Variants in MYO15A observed in about 807,000 individuals in gnomAD.
MYO15A encodes myosin XVA.
MYO15A carries 308 observed loss-of-function variants against 394.6 expected under a neutral mutation model. The observed-to-expected ratio is 0.78, with a 90% confidence interval of 0.71 to 0.86. The LOEUF is 0.86. MYO15A is among the 40% of genes least tolerant of loss of function. The pLI is 0.00. For missense variants in MYO15A, 4,606 were observed against 4,799.1 expected (o/e 0.96, Z 1.19); for synonymous variants, 1,957 against 2,003.8 (o/e 0.98, Z 0.62).
At position 18,161,519 on chromosome 17, in the gene MYO15A, A is replaced by G. The variant is rs1260386504; in HGVS notation, c.9517+72A>G. Reference sequence around the variant, plus strand: ...GGGGACTGGGTGGACAGCTGGTGGGAGGGGAAACCCAGAGGGCCTCGCTCT... The same window carrying G: ...GGGGACTGGGTGGACAGCTGGTGGGGGGGGAAACCCAGAGGGCCTCGCTCT... On this transcript the variant is annotated intron_variant, in intron 57 of 65. Coordinates refer to ENST00000647165, the MANE Select transcript of MYO15A (RefSeq NM_016239.4). 7.5e-6 allele frequency: 12 copies of G among 1,599,656 alleles called. No individual in the cohort carries two copies. The Admixed American group carries it at 1.2e-4, about 16-fold the overall frequency.
In MYO15A at chr17:18,136,704, G is replaced by C; in HGVS notation, c.4779+18G>C. On this transcript the variant is annotated intron_variant, in intron 15 of 65. Transcript: ENST00000647165. ...GTTTCGAGGTGGGGCCGTGTAGGAGGCTGAGGGGCGGGGGACATAGGCAAG... is the reference window on the plus strand; with the variant it reads ...GTTTCGAGGTGGGGCCGTGTAGGAGCCTGAGGGGCGGGGGACATAGGCAAG... 1 of 1,582,240 alleles carries C rather than the reference G, an allele frequency of 6.3e-7. No individual in the cohort carries two copies.
At position 18,148,539 on chromosome 17, in the gene MYO15A, A is replaced by T; in HGVS notation, c.6735A>T (p.Glu2245Asp). The change falls in exon 32 of 66, where the codon GAA becomes GAT. Residue 2245 changes from glutamate to aspartate, a missense_variant. Around this residue, in one of 2 missense-constraint regions of MYO15A, gnomAD observed 2,776 missense variants for 3,109.3 expected, o/e 0.89. Transcript: ENST00000647165. This position sits in a 1 kb window ranked among gnomAD's most constrained non-coding sequence, Gnocchi z 4.8. ...SCPVHSWSTGEEVAGDILRHR... is the reference protein window; with the variant it reads ...SCPVHSWSTGDEVAGDILRHR... ...CGGTGCACTCCTGGAGTACGGGGGA[A>T]GAGGTGGCTGGAGACATTCTGAGGC... 1.3e-6 allele frequency: 2 copies of T among 1,552,726 alleles called. No individual in the cohort carries two copies. Among genetic ancestry groups the T allele is most frequent in the Non-Finnish European group, 1.7e-6 (2 of 1,147,502 alleles).
In MYO15A at chr17:18,126,274, C is replaced by T. The variant is rs552234136; in HGVS notation, c.3757-73C>T. 4.7e-6 allele frequency: 6 copies of T among 1,283,722 alleles called. No homozygotes were observed. In the African/African-American group the frequency reaches 5.9e-5, roughly 13 times the overall value. 79.5% of individuals were successfully genotyped at this position (1,283,722 alleles called of 1,614,324 possible). A position where few individuals can be genotyped will look rare whatever the true frequency, so the allele number is the denominator to read the frequency against. The stretch of plus-strand genomic sequence containing the variant: ...CCGGATGGAAACAGGGAGCCAGGCT[C>T]CCAGCATAGGGGAGGGAGGGACATA... On this transcript the variant is annotated intron_variant, in intron 4 of 65. Transcript: ENST00000647165.
intron 47 of MYO15A, among the ~76,000 whole-genome samples, chr17:18,155,676 C>A (rs1426165752): frequency 1.3e-5 from 2 of 152,234 alleles, no homozygotes; most frequent in African/African-American, 2.4e-5. Flanking sequence ...TCCCCCCAAC[C>A]TGCACAGCAG....
At position 18,120,233 on chromosome 17, in the gene MYO15A, G is replaced by C; in HGVS notation, c.1433G>C (p.Arg478Pro). ...AAGCTGTCCCTCATCCGCAAGTTCC[G>C]CCTCTTCCCGCGACCCCAGGTGAAG... ...RSKLSLIRKF[R>P]LFPRPQVKLF... Residue 478 changes from arginine (R) to proline (P), a missense_variant, in exon 2 of 66, where the codon CGC becomes CCC. Physicochemically the swap from Arg to Pro is moderately radical, Grantham distance 103. Around this residue, in one of 2 missense-constraint regions of MYO15A, gnomAD observed 1,830 missense variants for 1,689.7 expected, o/e 1.08. Transcript: ENST00000647165. The C allele has an allele frequency of 1.2e-6, 2 of 1,612,384 alleles. No homozygotes were observed. The highest frequency in any genetic ancestry group is 1.7e-6 in the Non-Finnish European group (2 of 1,179,762).
At chr17:18,128,839 A>G (rs1258516728) in intron 7 of MYO15A, among the ~76,000 whole-genome samples, 1 of 152,098 alleles carries the variant, frequency 6.6e-6, no homozygotes, top group East Asian at 1.9e-4. Context: ...GAGAGCTGTC[A>G]GGGAGGACGG....
chr17:18,130,868 G>GTGTGTGTGTA (rs1403173028), intron 8 of MYO15A, 58 bp downstream of exon 8: 1 of 1,445,550 alleles, frequency 6.9e-7, no homozygotes, highest in Non-Finnish European at 9.5e-7. Flanking sequence ...GTGTGTGTGT[G>GTGTGTGTGTA]TGTCTGTCCA....
intron 65 of MYO15A, 129 bp downstream of exon 65, chr17:18,174,050 G>C: frequency 7.6e-7 from 1 of 1,308,818 alleles, no homozygotes; most frequent in Non-Finnish European, 1.0e-6. Context: ...ACCAACCACA[G>C]CACAGCACGG....
intron 35 of MYO15A, chr17:18,149,969 A>AG: frequency 3.2e-6 from 1 of 311,754 alleles, no homozygotes; most frequent in Admixed American, 4.6e-5. Flanking sequence ...AAAAAAAAAA[A>AG]AAGAAAGGGA....
In MYO15A at chr17:18,130,827, T is replaced by TC; in HGVS notation, c.4038+17_4038+18insC. The TC allele has an allele frequency of 7.7e-7, 1 of 1,301,364 alleles. No individual in the cohort carries two copies. Among genetic ancestry groups the TC allele is most frequent in the South Asian group, 1.3e-5 (1 of 77,318 alleles). 80.6% of individuals were successfully genotyped at this position (1,301,364 alleles called of 1,614,324 possible). A position where few individuals can be genotyped will look rare whatever the true frequency, so the allele number is the denominator to read the frequency against. On this transcript the variant is annotated intron_variant, in intron 8 of 65. Coordinates refer to ENST00000647165, the MANE Select transcript of MYO15A (RefSeq NM_016239.4). ...AAGATAAAGGTACTCAGTGTGTGTG[T>TC]GTGTGTGTGTGTGTGTGTGTGTGTG...
intron 60 of MYO15A, among the ~76,000 whole-genome samples, chr17:18,166,023 G>A (rs985434224): frequency 1.3e-5 from 2 of 152,198 alleles, no homozygotes; most frequent in African/African-American, 4.8e-5. Flanking sequence ...CCTTCTCTGA[G>A]AATAATGCAG....
Position 18,130,850 on chromosome 17 carries a change from GTGTGTGTGTGTGTGTGTGTGTC to G in MYO15A, c.4038+44_4038+65del, listed in dbSNP as rs756816362. 5.2e-6 allele frequency: 8 copies of G among 1,552,904 alleles called. 1 individual carries two copies. The African/African-American group carries it at 9.6e-5, about 19-fold the overall frequency. On this transcript the variant is annotated intron_variant, in intron 8 of 65. Coordinates refer to ENST00000647165, the MANE Select transcript of MYO15A (RefSeq NM_016239.4). The stretch of plus-strand genomic sequence containing the variant: ...TGTGTGTGTGTGTGTGTGTGTGTGT[GTGTGTGTGTGTGTGTGTGTGTC>G]TGTCCAGGAAAATGCGTGTGGATGT...
intron 1 of MYO15A, among the ~76,000 whole-genome samples, chr17:18,113,832 ACAC>A (rs2045752309): frequency 7.9e-6 from 1 of 126,274 alleles, no homozygotes; most frequent in African/African-American, 2.7e-5. Flanking sequence ...ACACACACAC[ACAC>A]ACACACTCTT....
At chr17:18,140,161 A>G (rs2046352580) in intron 19 of MYO15A, among the ~76,000 whole-genome samples, 1 of 152,106 alleles carries the variant, frequency 6.6e-6, no homozygotes, top group Non-Finnish European at 1.5e-5. Context: ...CACCTCCCCT[A>G]TCTGGCCCTC....
chr17:18,127,538 G>T (rs854794), intron 7 of MYO15A, among the ~76,000 whole-genome samples: 46,312 of 151,970 alleles, frequency 0.3, 7,297 homozygotes, highest in South Asian at 0.65. Flanking sequence ...AAGCTATGCA[G>T]CCCCCAGCGG....
Position 18,173,918 on chromosome 17 carries a change from G to A in MYO15A, c.10488G>A (p.Glu3496=). Residue 3496 remains glutamate (E), a synonymous_variant, in exon 65 of 66, where the codon GAG becomes GAA. Transcript: ENST00000647165. The stretch of plus-strand genomic sequence containing the variant: ...AGCGCACCTTGCAGCTGCAGCTGGA[G>A]CAGGTGGGCCCAGCGCTAAGTCCAA... ...AAQRTLQLQL[E]QGLELCRVVA... 1 of 1,613,156 alleles carries A rather than the reference G, an allele frequency of 6.2e-7. No individual in the cohort carries two copies. Among genetic ancestry groups the A allele is most frequent in the Non-Finnish European group, 8.5e-7 (1 of 1,179,832 alleles).
intron 64 of MYO15A, chr17:18,173,535 C>T: frequency 3.6e-6 from 2 of 562,788 alleles, no homozygotes; most frequent in Non-Finnish European, 6.6e-6. Flanking sequence ...GCACTTAGAA[C>T]AGTGCCTGGT....
At chr17:18,130,673 C>T in intron 7 of MYO15A, 132 bp from the exon 8 acceptor site, 2 of 1,505,828 alleles carry the variant, frequency 1.3e-6, no homozygotes, top group Non-Finnish European at 1.8e-6. Context: ...GTCTCTGAGC[C>T]TCACAGGTTT....
At chr17:18,140,262 C>G (rs1353941267) in intron 19 of MYO15A, among the ~76,000 whole-genome samples, 1 of 152,224 alleles carries the variant, frequency 6.6e-6, no homozygotes, top group African/African-American at 2.4e-5. Flanking sequence ...GGGCCAGGCA[C>G]ACAGTCAGTA....
Sources: allele counts gnomAD v4.1 joint callset (sites outside exome capture counted in the v4.1 genomes callset), GRCh38; gene constraint gnomAD v4.1.1; regional missense constraint gnomAD v4.1.1; non-coding constraint Gnocchi (gnomAD v3.1); transcripts MANE v1.5; gene names NCBI Gene and HGNC (gene_info 2026-07-23, HGNC 2026-07-21).